Variants in FBXW2 observed in about 807,000 individuals in gnomAD.
FBXW2 encodes F-box and WD repeat domain containing 2, also known as F-box/WD repeat-containing protein 2.
In FBXW2, 12 loss-of-function variants were observed where a neutral mutation model predicts 46.0. The observed-to-expected ratio is 0.26, with a 90% CI of 0.17 to 0.42. The LOEUF is 0.42. Among genes scored for constraint, FBXW2 ranks in the 10% least tolerant of loss-of-function variants. FBXW2 has a pLI of 1.00. For synonymous variants in FBXW2, 203 were observed against 209.6 expected (o/e 0.97, Z 0.27); for missense variants, 360 against 537.0 (o/e 0.67, Z 3.26).
intron 6 of FBXW2, among the ~76,000 whole-genome samples, chr9:120,772,132 T>C (rs1429581571): frequency 6.6e-6 from 1 of 151,116 alleles, no homozygotes; most frequent in African/African-American, 2.4e-5. Context: ...TTGCAATTCA[T>C]TACAATAAAT....
rs151089346 is a variant in FBXW2 at position 120,776,259 on chromosome 9, G to GTC, written c.686-35_686-34dup. 3,166 of 1,604,444 alleles carry GTC rather than the reference G, an allele frequency of 2.0e-3. 59 individuals carry two copies. In the African/African-American group the frequency reaches 0.037, roughly 19 times the overall value. ...ATATAATTACACAAAGTTAAAACAT[G>GTC]TCTCTGTCAGTGGGTCTTTTATAAT... On this transcript the variant is annotated intron_variant, in intron 4 of 7. Transcript: ENST00000608872.
intron 5 of FBXW2, among the ~76,000 whole-genome samples, chr9:120,773,907 T>C (rs537814586): frequency 6.6e-6 from 1 of 152,202 alleles, no homozygotes. Flanking sequence ...AAAGTTAACA[T>C]GGGCTAGGCA....
chr9:120,773,935 A>C (rs1432424153), intron 5 of FBXW2, among the ~76,000 whole-genome samples: 2 of 152,224 alleles, frequency 1.3e-5, no homozygotes, highest in African/African-American at 2.4e-5. Flanking sequence ...TCATGCCTAT[A>C]ATCCCAGCAC....
At position 120,758,008 on chromosome 9, in the gene FBXW2, A is replaced by G. The variant is rs1037874276; in HGVS notation, c.*6551T>C. On this transcript the variant is annotated 3_prime_UTR_variant, in exon 8 of 8. Transcript: ENST00000608872. ...CTTAAGACAATCCATGGAATTCATT[A>G]AAATCTCAATGAATTCCTACTCTCA... 3.9e-5 allele frequency: 6 copies of G among 152,222 alleles called. No homozygotes were observed. The highest frequency in any genetic ancestry group is 2.1e-4 in the South Asian group (1 of 4,834). 9.4% of individuals were successfully genotyped at this position (152,222 alleles called of 1,614,324 possible).
chr9:120,765,743 C>G (rs1303066692), intron 7 of FBXW2, among the ~76,000 whole-genome samples: 1 of 151,992 alleles, frequency 6.6e-6, no homozygotes, highest in Non-Finnish European at 1.5e-5. Context: ...TTTAAAGTTT[C>G]CCAAATAACT....
rs34953976 is a variant in FBXW2, at chr9:120,767,205, G to GA, written c.1077-2359dup. ...TGTGTTTCTCTTATAATTAATATCT[G>GA]AAAAAAAAATCTATGATACTAAGAA... On this transcript the variant is annotated intron_variant, in intron 7 of 7. Transcript: ENST00000608872. Among the ~76,000 whole-genome samples the GA allele has an allele frequency of 5.8e-4, 87 of 150,940 alleles. 1 individual carries two copies. The highest frequency in any genetic ancestry group is 1.7e-3 in the African/African-American group (70 of 41,144).
chr9:120,778,601 AT>A (rs2044548573), intron 3 of FBXW2, 56 bp from the exon 4 acceptor site: 2 of 1,448,248 alleles, frequency 1.4e-6, no homozygotes, highest in Non-Finnish European at 1.9e-6. Context: ...AAGAAGGAAA[AT>A]CAATCCCAAA....
intron 2 of FBXW2, 100 bp downstream of exon 2, chr9:120,793,049 C>T: frequency 8.7e-7 from 1 of 1,144,546 alleles, no homozygotes; most frequent in Non-Finnish European, 1.3e-6. Context: ...GGCAGTAACT[C>T]CAAAACCCTG....
rs772189712 is a variant in FBXW2 at position 120,793,399 on chromosome 9, C to T, written c.-175G>A. On this transcript the variant is annotated 5_prime_UTR_variant, in exon 1 of 8. Coordinates refer to ENST00000608872, the MANE Select transcript of FBXW2 (RefSeq NM_012164.4). ...CCCGGTCCGCAGCCTCACAGGGGAG[C>T]GGCTTCCGGTGCTGCCTGCGTCATC... 2.3e-4 allele frequency: 90 copies of T among 399,542 alleles called. No homozygotes were observed. Among genetic ancestry groups the T allele is most frequent in the Non-Finnish European group, 3.5e-4 (80 of 226,908 alleles). The allele number at this position is 399,542 out of a possible 1,614,324, so 24.7% of individuals were successfully genotyped here.
At chr9:120,769,813 C>T (rs2044338954) in intron 7 of FBXW2, among the ~76,000 whole-genome samples, 1 of 152,210 alleles carries the variant, frequency 6.6e-6, no homozygotes, top group African/African-American at 2.4e-5. Flanking sequence ...CCTACCCTGT[C>T]TCAGCTTCAG....
At chr9:120,771,596 G>A in intron 6 of FBXW2, 79 bp from the exon 7 acceptor site, 1 of 1,292,324 alleles carries the variant, frequency 7.7e-7, no homozygotes, top group Non-Finnish European at 1.1e-6. Context: ...GTCTGCATTT[G>A]TGAAGTCAGA....
chr9:120,779,970 T>C (rs2044575572), intron 3 of FBXW2, among the ~76,000 whole-genome samples: 1 of 151,646 alleles, frequency 6.6e-6, no homozygotes, highest in African/African-American at 2.4e-5. Context: ...CGAAACCCTG[T>C]CTCTACTAAA....
chr9:120,790,853 G>A (rs1431183668), intron 2 of FBXW2, among the ~76,000 whole-genome samples: 1 of 152,064 alleles, frequency 6.6e-6, no homozygotes, highest in Non-Finnish European at 1.5e-5. Flanking sequence ...ATGTGCCCAT[G>A]ACACCGCTAA....
At chr9:120,788,376 G>T in intron 2 of FBXW2, 98 bp from the exon 3 acceptor site, 2 of 1,179,416 alleles carry the variant, frequency 1.7e-6, no homozygotes, top group South Asian at 1.5e-5. Flanking sequence ...TAAAAAATCT[G>T]CCATTACAAC....
chr9:120,783,834 A>C (rs2044665721), intron 3 of FBXW2, among the ~76,000 whole-genome samples: 1 of 152,246 alleles, frequency 6.6e-6, no homozygotes, highest in African/African-American at 2.4e-5. Context: ...AGAGAAAGAT[A>C]ACTACCTCAA....
intron 7 of FBXW2, among the ~76,000 whole-genome samples, chr9:120,771,069 A>G (rs544390208): frequency 6.6e-6 from 1 of 152,256 alleles, no homozygotes; most frequent in South Asian, 2.1e-4. Context: ...CATGCCCCTC[A>G]TTTTCCAGAA....
Position 120,787,767 on chromosome 9 carries a change from AC to A in FBXW2, c.490+1del. ...CCAAAAAGCAGTTTCAACATCTCTT[AC>A]CTGTACAGAGAAGTCCATCTTTGTA... On this transcript the variant is annotated splice_donor_variant, in intron 3 of 7. Coordinates refer to ENST00000608872, the MANE Select transcript of FBXW2 (RefSeq NM_012164.4). LOFTEE classifies it high-confidence loss of function. 1 of 1,609,436 alleles carries A rather than the reference AC, an allele frequency of 6.2e-7. No homozygotes were observed. The highest frequency in any genetic ancestry group is 1.7e-5 in the Admixed American group (1 of 58,876).
intron 5 of FBXW2, among the ~76,000 whole-genome samples, chr9:120,775,784 T>C (rs936973757): frequency 1.3e-5 from 2 of 152,214 alleles, no homozygotes; most frequent in African/African-American, 4.8e-5. Context: ...CTTCAACATT[T>C]TGATGCATGA....
rs547130009 is a variant in FBXW2 at position 120,760,576 on chromosome 9, C to G, written c.*3983G>C. ...CCAGGAGGCTGAGGTTGCAGTAAGCCGAGATCACGCCACTGCACTCCAGCC... is the reference window on the plus strand; with the variant it reads ...CCAGGAGGCTGAGGTTGCAGTAAGCGGAGATCACGCCACTGCACTCCAGCC... On this transcript the variant is annotated 3_prime_UTR_variant, in exon 8 of 8. Transcript: ENST00000608872. 2.6e-5 allele frequency: 4 copies of G among 152,264 alleles called. No homozygotes were observed. The highest frequency in any genetic ancestry group is 9.7e-5 in the African/African-American group (4 of 41,368). The allele number at this position is 152,264 out of a possible 1,614,324, so 9.4% of individuals were successfully genotyped here. A position where few individuals can be genotyped will look rare whatever the true frequency, so the allele number is the denominator to read the frequency against.
Sources: gnomAD v4.1 joint callset for allele counts (sites outside exome capture counted in the v4.1 genomes callset) on GRCh38, gnomAD v4.1.1 for gene constraint, MANE v1.5 for transcripts, NCBI Gene and HGNC (gene_info 2026-07-23, HGNC 2026-07-21) for gene names.